USP14: variants seen among roughly 807,000 people sequenced by gnomAD.
USP14 encodes ubiquitin specific peptidase 14.
In USP14, 38 loss-of-function variants were observed where a neutral mutation model predicts 76.5. The observed-to-expected ratio is 0.50, with a 90% CI of 0.38 to 0.65. USP14 has a LOEUF of 0.65. USP14 is among the 30% of genes least tolerant of loss of function. USP14 has a pLI of 0.00. For synonymous variants in USP14, 192 were observed against 191.7 expected (o/e 1.00, Z -0.01); for missense variants, 467 against 586.5 (o/e 0.80, Z 2.10).
intron 1 of USP14, among the ~76,000 whole-genome samples, chr18:160,770 A>G (rs1909096049): frequency 6.6e-6 from 1 of 152,100 alleles, no homozygotes; most frequent in South Asian, 2.1e-4. Context: ...ATATGCTTCT[A>G]GTTTATTTTA....
At chr18:189,628 G>A (rs538871394) in intron 5 of USP14, among the ~76,000 whole-genome samples, 3 of 152,134 alleles carry the variant, frequency 2.0e-5, no homozygotes, top group South Asian at 2.1e-4. Flanking sequence ...GACTACAGGC[G>A]CGTGTCACAA....
intron 6 of USP14, among the ~76,000 whole-genome samples, chr18:194,861 G>A (rs1207892043): frequency 6.6e-6 from 1 of 152,138 alleles, no homozygotes; most frequent in African/African-American, 2.4e-5. Flanking sequence ...AACCTGGGAG[G>A]CAGAGGTTAC....
rs112640574 is a variant in USP14, at chr18:174,609, CTT to C, written c.196-4308_196-4307del. Among the ~76,000 whole-genome samples, 1,010 of 134,704 alleles carry C rather than the reference CTT, an allele frequency of 7.5e-3. 7 individuals carry two copies. Among genetic ancestry groups the C allele is most frequent in the East Asian group, 0.014 (63 of 4,576 alleles). 88.4% of individuals were successfully genotyped at this position (134,704 alleles called of 152,430 possible). Reference sequence around the variant, plus strand: ...GTTGTCGTAAGTGGTACTTTTCTTTCTTTTTTTTTTTTTTTTTAAAGACGAGG... The same window carrying C: ...GTTGTCGTAAGTGGTACTTTTCTTTCTTTTTTTTTTTTTTTAAAGACGAGG... On this transcript the variant is annotated intron_variant, in intron 3 of 15. Coordinates refer to ENST00000261601, the MANE Select transcript of USP14 (RefSeq NM_005151.4).
At chr18:173,343 C>A (rs538822868) in intron 3 of USP14, among the ~76,000 whole-genome samples, 3 of 151,738 alleles carry the variant, frequency 2.0e-5, no homozygotes, top group Non-Finnish European at 4.4e-5. Context: ...TATCTCCTGA[C>A]CTCGTGATCA....
At chr18:171,338 G>A (rs1909457388) in intron 3 of USP14, among the ~76,000 whole-genome samples, 2 of 152,004 alleles carry the variant, frequency 1.3e-5, no homozygotes, top group South Asian at 4.2e-4. Context: ...CTTGTTAGAG[G>A]CTAATGTAGC....
chr18:173,788 A>G (rs753261960), intron 3 of USP14, among the ~76,000 whole-genome samples: 4 of 152,142 alleles, frequency 2.6e-5, no homozygotes, highest in Admixed American at 6.5e-5. Flanking sequence ...TTTTTTTCAC[A>G]TGAGTATTTA....
intron 1 of USP14, chr18:159,069 T>C: frequency 4.4e-6 from 1 of 227,932 alleles, no homozygotes. Flanking sequence ...GGAGATTCCT[T>C]TGGGCTTCTC....
intron 3 of USP14, among the ~76,000 whole-genome samples, chr18:173,632 A>T (rs531107994): frequency 6.6e-6 from 1 of 151,772 alleles, no homozygotes; most frequent in South Asian, 2.1e-4. Flanking sequence ...CATGTTGGTC[A>T]GGCTGGTCTT....
rs1330818912 is a variant in USP14 at position 213,313 on chromosome 18, A to G, written c.*2029A>G. On this transcript the variant is annotated 3_prime_UTR_variant, in exon 16 of 16. Coordinates refer to ENST00000261601, the MANE Select transcript of USP14 (RefSeq NM_005151.4). ...AAAGTATATAAGCCTTGTATGGACTATATTAGAATTTTAAAAATTGTAATT... is the reference window on the plus strand; with the variant it reads ...AAAGTATATAAGCCTTGTATGGACTGTATTAGAATTTTAAAAATTGTAATT... The G allele has an allele frequency of 6.6e-6, 1 of 152,062 alleles. No individual in the cohort carries two copies. Among genetic ancestry groups the G allele is most frequent in the Non-Finnish European group, 1.5e-5 (1 of 68,008 alleles). The allele number at this position is 152,062 out of a possible 1,614,324, so 9.4% of individuals were successfully genotyped here.
At chr18:196,481 G>A (rs182934868) in intron 6 of USP14, 156 bp from the exon 7 acceptor site, 75 of 642,424 alleles carry the variant, frequency 1.2e-4, no homozygotes, top group African/African-American at 1.2e-3. Context: ...CCGAGATCGC[G>A]CCACTGCACT....
chr18:169,622 C>T (rs1428293519), intron 3 of USP14, among the ~76,000 whole-genome samples: 1 of 151,876 alleles, frequency 6.6e-6, no homozygotes, highest in Non-Finnish European at 1.5e-5. Flanking sequence ...ATGATTGACC[C>T]CAGAGTTTCA....
intron 3 of USP14, among the ~76,000 whole-genome samples, chr18:171,025 A>AAATATATATATATATATATATATAT (rs1327304974): frequency 6.3e-5 from 3 of 47,646 alleles, no homozygotes; most frequent in African/African-American, 8.7e-5. Flanking sequence ...AAAAAAAAAA[A>AAATATATATATATATATATATATAT]ATATATATAT....
intron 6 of USP14, among the ~76,000 whole-genome samples, chr18:194,222 C>CT (rs1354096822): frequency 1.3e-5 from 2 of 152,124 alleles, no homozygotes; most frequent in Non-Finnish European, 2.9e-5. Context: ...AGATTTTACT[C>CT]TAACTTTTTT....
chr18:172,552 A>G (rs1378711788), intron 3 of USP14, among the ~76,000 whole-genome samples: 1 of 152,168 alleles, frequency 6.6e-6, no homozygotes, highest in Admixed American at 6.6e-5. Context: ...CTCTTTCATG[A>G]AAGGAAGTCA....
intron 3 of USP14, among the ~76,000 whole-genome samples, chr18:170,346 A>G (rs2509447): frequency 0.62 from 93,529 of 151,876 alleles, 28,985 homozygotes; most frequent in South Asian, 0.7. Context: ...CCCTACAGTG[A>G]CCTCTAAGTG....
At chr18:172,650 A>G (rs1909497126) in intron 3 of USP14, among the ~76,000 whole-genome samples, 1 of 152,132 alleles carries the variant, frequency 6.6e-6, no homozygotes, top group African/African-American at 2.4e-5. Context: ...GTAGTCATCA[A>G]CTTGGAAACA....
At chr18:158,816 G>T in intron 1 of USP14, 102 bp downstream of exon 1, 1 of 1,270,420 alleles carries the variant, frequency 7.9e-7, no homozygotes, top group African/African-American at 1.6e-5. Flanking sequence ...ACTGGGAGGG[G>T]CCGGGGTGGG....
intron 3 of USP14, among the ~76,000 whole-genome samples, chr18:177,009 C>T (rs1909645364): frequency 6.6e-6 from 1 of 151,996 alleles, no homozygotes; most frequent in Non-Finnish European, 1.5e-5. Context: ...AAAGGAATTT[C>T]ATTAAATTTA....
intron 5 of USP14, among the ~76,000 whole-genome samples, chr18:184,773 A>G (rs963908131): frequency 3.3e-5 from 5 of 152,150 alleles, no homozygotes; most frequent in Non-Finnish European, 5.9e-5. Context: ...GTCTCAAAAA[A>G]TAAAATAAAA....
Sources: allele counts gnomAD v4.1 joint callset (sites outside exome capture counted in the v4.1 genomes callset), GRCh38; gene constraint gnomAD v4.1.1; transcripts MANE v1.5; gene names NCBI Gene and HGNC (gene_info 2026-07-23, HGNC 2026-07-21).